Variants in IFT56 observed in about 807,000 individuals in gnomAD.
The protein encoded by IFT56 is intraflagellar transport 56.
the IFT56 span, chr7:139,134,800 C>A: frequency 6.2e-7 from 1 of 1,611,100 alleles, no homozygotes; most frequent in Admixed American, 1.7e-5. Context: ...GAGGTAATGC[C>A]CAAAGAACGT....
chr7:139,140,039 A>G, the IFT56 span: 1 of 1,349,908 alleles, frequency 7.4e-7, no homozygotes, highest in Non-Finnish European at 1.0e-6. Context: ...TTCTTCATTC[A>G]TAGTTAAGAG....
chr7:139,164,081 T>C, the IFT56 span, among the ~76,000 whole-genome samples: 1 of 152,210 alleles, frequency 6.6e-6, no homozygotes, highest in Non-Finnish European at 1.5e-5. Context: ...CCTGATAACA[T>C]ATTTATTTGT....
the IFT56 span, among the ~76,000 whole-genome samples, chr7:139,168,043 C>T: frequency 2.0e-5 from 3 of 151,682 alleles, no homozygotes; most frequent in East Asian, 3.9e-4. Flanking sequence ...CAACATTTTA[C>T]TTTTTTTTCC....
At chr7:139,135,052 G>A in the IFT56 span, among the ~76,000 whole-genome samples, 7 of 152,198 alleles carry the variant, frequency 4.6e-5, no homozygotes, top group African/African-American at 1.2e-4. Flanking sequence ...AGGCCGAGAC[G>A]GGCAGATCAC....
the IFT56 span, chr7:139,140,042 G>A: frequency 8.4e-6 from 11 of 1,301,900 alleles, no homozygotes; most frequent in Non-Finnish European, 1.2e-5. Context: ...TTCATTCATA[G>A]TTAAGAGTTG....
the IFT56 span, chr7:139,165,027 A>G: frequency 1.4e-6 from 1 of 731,928 alleles, no homozygotes; most frequent in Non-Finnish European, 2.1e-6. Flanking sequence ...GAGCTATTTT[A>G]GTTGAATATC....
At chr7:139,172,682 A>G in the IFT56 span, 7 of 620,294 alleles carry the variant, frequency 1.1e-5, no homozygotes, top group Non-Finnish European at 2.2e-5. Context: ...CTTTCCAAGG[A>G]TTTCTGGAAG....
the IFT56 span, among the ~76,000 whole-genome samples, chr7:139,165,951 GTTTA>G: frequency 6.6e-6 from 1 of 152,060 alleles, no homozygotes; most frequent in Non-Finnish European, 1.5e-5. Flanking sequence ...TATTTTATTT[GTTTA>G]TTTATTATTA....
the IFT56 span, chr7:139,169,190 G>A: frequency 9.7e-7 from 1 of 1,034,420 alleles, no homozygotes; most frequent in South Asian, 1.5e-5. Context: ...TTAAAACAAA[G>A]GTATATTTAA....
the IFT56 span, among the ~76,000 whole-genome samples, chr7:139,168,779 T>C: frequency 1.3e-5 from 2 of 152,202 alleles, no homozygotes; most frequent in African/African-American, 4.8e-5. Context: ...TCTGGAGAAG[T>C]TATTTTTATA....
chr7:139,158,446 T>G, the IFT56 span, among the ~76,000 whole-genome samples: 1 of 152,188 alleles, frequency 6.6e-6, no homozygotes, highest in Non-Finnish European at 1.5e-5. Flanking sequence ...TAATGTAGAT[T>G]TTTAAAGATA....
At chr7:139,173,225 CTTT>C in the IFT56 span, 3,536 of 292,126 alleles carry the variant, frequency 0.012, no homozygotes, top group South Asian at 0.018. Context: ...ACAAAGTCAC[CTTT>C]TTTTTTTTTT....
the IFT56 span, chr7:139,187,676 T>A: frequency 1.8e-6 from 2 of 1,128,824 alleles, no homozygotes; most frequent in Non-Finnish European, 2.5e-6. Flanking sequence ...AGGTTGATAT[T>A]AAATATTTCT....
chr7:139,153,455 A>G, the IFT56 span, among the ~76,000 whole-genome samples: 17 of 152,004 alleles, frequency 1.1e-4, no homozygotes, highest in Non-Finnish European at 2.4e-4. Context: ...TCAAAAAAAA[A>G]AAAAAGTCAT....
chr7:139,165,115 G>T, the IFT56 span: 1 of 1,597,414 alleles, frequency 6.3e-7, no homozygotes, highest in South Asian at 1.1e-5. Context: ...ATAATAGCAT[G>T]ATTTCTGTAT....
the IFT56 span, chr7:139,187,591 G>C: frequency 6.3e-7 from 1 of 1,586,004 alleles, no homozygotes. Context: ...TGTTTGTGAG[G>C]GAAAATACTT....
chr7:139,173,467 G>C, the IFT56 span: 1 of 651,922 alleles, frequency 1.5e-6, no homozygotes, highest in South Asian at 1.6e-5. Context: ...GACCTCAGGT[G>C]ATCCACTCAC....
chr7:139,147,022 G>GGAA, the IFT56 span: 1 of 1,541,136 alleles, frequency 6.5e-7, no homozygotes, highest in Non-Finnish European at 8.7e-7. Flanking sequence ...AAGGGAAATA[G>GGAA]GAAGAAGAGA....
the IFT56 span, among the ~76,000 whole-genome samples, chr7:139,181,772 C>CA: frequency 6.6e-6 from 1 of 152,162 alleles, no homozygotes; most frequent in East Asian, 1.9e-4. Flanking sequence ...AATTATAACA[C>CA]AATGGCTAAT....
Sources: gnomAD v4.1 joint callset for allele counts (sites outside exome capture counted in the v4.1 genomes callset) on GRCh38, gnomAD v4.1.1 for gene constraint, MANE v1.5 for transcripts, NCBI Gene and HGNC (gene_info 2026-07-23, HGNC 2026-07-21) for gene names.